Variants in TPTE observed in about 807,000 individuals in gnomAD.
The protein encoded by TPTE is putative tyrosine-protein phosphatase TPTE.
A neutral mutation model predicts 84.1 loss-of-function variants in TPTE; 59 were observed. That is an observed-to-expected ratio of 0.70 (90% CI 0.57 to 0.87). The LOEUF (loss-of-function observed/expected upper bound fraction) is 0.87. TPTE is among the 40% of genes least tolerant of loss of function. The pLI is 0.00. For missense variants in TPTE, 382 were observed against 659.6 expected, an observed-to-expected ratio of 0.58 and a Z score of 4.61; for synonymous variants, 130 against 223.5, an observed-to-expected ratio of 0.58 and a Z score of 3.73.
chr21:10,555,764 G>A (rs2074669889), intron 8 of TPTE, among the ~76,000 whole-genome samples: 1 of 152,296 alleles, frequency 6.6e-6, no homozygotes, highest in Non-Finnish European at 1.5e-5. Flanking sequence ...TGCATTTTTT[G>A]TTGATATGCA....
intron 3 of TPTE, among the ~76,000 whole-genome samples, chr21:10,529,510 A>C (rs1313907743): frequency 6.6e-6 from 1 of 152,308 alleles, no homozygotes; most frequent in Non-Finnish European, 1.5e-5. Context: ...CTTATTGTTA[A>C]GTTATTCATC....
At chr21:10,550,410 G>GC (rs2074550969) in intron 7 of TPTE, among the ~76,000 whole-genome samples, 1 of 152,310 alleles carries the variant, frequency 6.6e-6, no homozygotes, top group African/African-American at 2.4e-5. Flanking sequence ...GCAAATGGAA[G>GC]CCCAAAGTGA....
chr21:10,583,678 T>C (rs1442769743), intron 17 of TPTE, among the ~76,000 whole-genome samples: 1 of 152,310 alleles, frequency 6.6e-6, no homozygotes, highest in Non-Finnish European at 1.5e-5. Flanking sequence ...ATTTTACTAC[T>C]GTATTTTCTT....
intron 17 of TPTE, among the ~76,000 whole-genome samples, chr21:10,585,963 C>G (rs1170194886): frequency 5.2e-5 from 8 of 152,408 alleles, no homozygotes; most frequent in South Asian, 2.1e-4. Context: ...GCCTTCTCCC[C>G]TTTTTTCTTC....
intron 20 of TPTE, among the ~76,000 whole-genome samples, chr21:10,597,191 TTGTC>T (rs2075604134): frequency 6.6e-6 from 1 of 152,308 alleles, no homozygotes; most frequent in Non-Finnish European, 1.5e-5. Flanking sequence ...AAAAAAGCCT[TTGTC>T]TGTAAATATA....
At chr21:10,598,656 T>C (rs2075634495) in intron 21 of TPTE, among the ~76,000 whole-genome samples, 1 of 152,312 alleles carries the variant, frequency 6.6e-6, no homozygotes, top group Admixed American at 6.5e-5. Flanking sequence ...CAAGAGTGAA[T>C]GAACGGGGGA....
intron 7 of TPTE, among the ~76,000 whole-genome samples, chr21:10,546,313 T>A (rs548061465): frequency 2.0e-5 from 3 of 152,428 alleles, no homozygotes; most frequent in African/African-American, 7.2e-5. Flanking sequence ...ATCAATGACA[T>A]GTTTGTTGTG....
chr21:10,572,178 G>A (rs567701913), intron 14 of TPTE, among the ~76,000 whole-genome samples: 173 of 151,970 alleles, frequency 1.1e-3, no homozygotes, highest in Admixed American at 9.2e-3. Flanking sequence ...CATCAGGTGC[G>A]GTGTCTCACA....
intron 7 of TPTE, among the ~76,000 whole-genome samples, chr21:10,549,623 C>T (rs1244238282): frequency 1.3e-5 from 2 of 152,280 alleles, no homozygotes; most frequent in African/African-American, 4.8e-5. Context: ...GAAGACAAGT[C>T]TTTTGAAATA....
intron 7 of TPTE, among the ~76,000 whole-genome samples, chr21:10,548,918 C>T (rs1240344975): frequency 6.6e-6 from 1 of 152,308 alleles, no homozygotes; most frequent in Non-Finnish European, 1.5e-5. Context: ...GCAACTGCAT[C>T]CCCATGCTTC....
At chr21:10,548,527 G>A (rs1034459732) in intron 7 of TPTE, among the ~76,000 whole-genome samples, 1 of 152,426 alleles carries the variant, frequency 6.6e-6, no homozygotes, top group Non-Finnish European at 1.5e-5. Context: ...CACCACCCAG[G>A]CCAGCTGAGC....
intron 17 of TPTE, among the ~76,000 whole-genome samples, chr21:10,586,149 G>A (rs1319281778): frequency 6.6e-6 from 1 of 152,302 alleles, no homozygotes; most frequent in Non-Finnish European, 1.5e-5. Flanking sequence ...TTCTTGACAT[G>A]GATAATTCTT....
intron 1 of TPTE, among the ~76,000 whole-genome samples, chr21:10,523,304 A>AT (rs34721273): frequency 0.82 from 124,923 of 151,532 alleles, 49,225 homozygotes; most frequent in Non-Finnish European, 0.93. Context: ...GCAGAACAGT[A>AT]TTTTTTTTAT....
At chr21:10,567,521 T>G (rs2074948491) in intron 10 of TPTE, 149 bp from the exon 11 acceptor site, 1 of 1,403,244 alleles carries the variant, frequency 7.1e-7, no homozygotes, top group East Asian at 2.3e-5. Flanking sequence ...TGTTATATTT[T>G]TCCCTTAGTC....
intron 19 of TPTE, among the ~76,000 whole-genome samples, chr21:10,594,052 C>T (rs1288252284): frequency 2.0e-5 from 3 of 152,304 alleles, no homozygotes; most frequent in Non-Finnish European, 2.9e-5. Flanking sequence ...ATGCCATTTC[C>T]ATGCTTAAAA....
At chr21:10,541,420 C>A (rs2074367377) in intron 5 of TPTE, among the ~76,000 whole-genome samples, 1 of 152,296 alleles carries the variant, frequency 6.6e-6, no homozygotes, top group African/African-American at 2.4e-5. Context: ...TTGCAGTGAG[C>A]TGAGAACATG....
chr21:10,555,072 G>C (rs561698150), intron 8 of TPTE, among the ~76,000 whole-genome samples: 2 of 152,424 alleles, frequency 1.3e-5, no homozygotes, highest in East Asian at 3.8e-4. Flanking sequence ...ACATGGTCTT[G>C]TTAGTGTCAT....
intron 19 of TPTE, among the ~76,000 whole-genome samples, chr21:10,592,805 G>GGTGTGTGTGTGTGTGTGTGTGTGTGTGT (rs4041809): frequency 6.7e-6 from 1 of 148,850 alleles, no homozygotes; most frequent in African/African-American, 2.5e-5. Flanking sequence ...GATGACTCCT[G>GGTGTGTGTGTGTGTGTGTGTGTGTGTGT]GTGTGTGTGT....
intron 14 of TPTE, among the ~76,000 whole-genome samples, chr21:10,572,025 AT>A (rs1174574222): frequency 7.2e-5 from 11 of 152,296 alleles, no homozygotes; most frequent in Non-Finnish European, 1.6e-4. Context: ...AAAAAATACA[AT>A]CAAGAGCTTT....
Sources: allele counts gnomAD v4.1 joint callset (sites outside exome capture counted in the v4.1 genomes callset), GRCh38; gene constraint gnomAD v4.1.1; transcripts MANE v1.5; gene names NCBI Gene and HGNC (gene_info 2026-07-23, HGNC 2026-07-21).